Variants in CCDC7 observed in about 807,000 individuals in gnomAD.
The protein encoded by CCDC7 is coiled-coil domain containing 7.
CCDC7 carries 183 observed loss-of-function variants against 196.9 expected under a neutral mutation model. That is an observed-to-expected ratio of 0.93 (90% CI 0.82 to 1.05). The LOEUF is 1.05. Among genes scored for constraint, CCDC7 ranks in the 50% least tolerant of loss-of-function variants. The probability of loss-of-function intolerance (pLI) is 0.00; values close to 1 mark genes in which losing one functional copy is unlikely to be tolerated. For synonymous variants in CCDC7, 525 were observed against 484.6 expected (o/e 1.08, Z -1.10); for missense variants, 1,540 against 1,482.2 (o/e 1.04, Z -0.64).
At chr10:32,447,834 A>AGTGAGC (rs1270061467), upstream of CCDC7, among the ~76,000 whole-genome samples, 3 of 152,180 alleles carry the variant, frequency 2.0e-5, no homozygotes, top group African/African-American at 7.2e-5. Flanking sequence ...CCTGGGAGGC[A>AGTGAGC]AAGTTTGCAG....
intron 24 of CCDC7, among the ~76,000 whole-genome samples, chr10:32,706,177 G>C (rs1360054850): frequency 6.6e-6 from 1 of 152,080 alleles, no homozygotes; most frequent in Non-Finnish European, 1.5e-5. Flanking sequence ...TTTCAAAACT[G>C]CTCAACTATA....
At chr10:32,512,705 G>T (rs894662198) in intron 9 of CCDC7, 1 of 152,090 alleles carries the variant, frequency 6.6e-6, no homozygotes, top group African/African-American at 2.4e-5. Context: ...GAAAAGATTT[G>T]TGCTCATACA....
intron 20 of CCDC7, among the ~76,000 whole-genome samples, chr10:32,661,938 C>T (rs768911949): frequency 3.3e-5 from 5 of 152,084 alleles, no homozygotes; most frequent in Non-Finnish European, 7.4e-5. Flanking sequence ...AGCACTAGGA[C>T]TTGCCTAGGA....
chr10:32,711,864 A>T (rs918346681), intron 25 of CCDC7, 134 bp downstream of exon 26: 5 of 459,130 alleles, frequency 1.1e-5, no homozygotes, highest in African/African-American at 8.3e-5. Context: ...ACTCTAACAT[A>T]ACTCAAGAAA....
intron 39 of CCDC7, among the ~76,000 whole-genome samples, chr10:32,850,738 T>C (rs923996889): frequency 1.3e-5 from 2 of 151,452 alleles, no homozygotes; most frequent in African/African-American, 4.9e-5. Flanking sequence ...TTCTTTTGAT[T>C]CAGAGATTTT....
At chr10:32,583,640 C>T (rs1293580835) in intron 17 of CCDC7, among the ~76,000 whole-genome samples, 2 of 151,832 alleles carry the variant, frequency 1.3e-5, no homozygotes, top group Non-Finnish European at 2.9e-5. Context: ...AATTTTTATA[C>T]AATAAGATGA....
At chr10:32,848,547 G>A (rs1198280921) in intron 38 of CCDC7, 49 bp from the exon 40 acceptor site, 1 of 1,324,324 alleles carries the variant, frequency 7.6e-7, no homozygotes, top group Non-Finnish European at 1.1e-6. Context: ...ATTAGTGTGT[G>A]AATAGTCAAG....
At chr10:32,720,797 C>T (rs1237105102) in intron 25 of CCDC7, among the ~76,000 whole-genome samples, 1 of 152,046 alleles carries the variant, frequency 6.6e-6, no homozygotes, top group Admixed American at 6.6e-5. Context: ...CCCCAAAATG[C>T]TCAGTAGTAG....
rs2138653245 is a variant in CCDC7 at position 32,608,893 on chromosome 10, A to G, written c.1801+24589A>G. ...ATTGATCCAGTGGTTGTTCAGGAGC[A>G]TGTTGTTTAATTTCTATGTATTTGT... On this transcript the variant is annotated intron_variant, in intron 18 of 41. Coordinates refer to ENST00000639629, the Ensembl canonical transcript of CCDC7. 2.0e-5 allele frequency among the ~76,000 whole-genome samples: 3 copies of G among 152,314 alleles called. 1 individual carries two copies. The South Asian group carries it at 6.2e-4, about 32-fold the overall frequency.
chr10:32,483,134 A>G (rs990856843), intron 8 of CCDC7, among the ~76,000 whole-genome samples: 9 of 152,098 alleles, frequency 5.9e-5, no homozygotes, highest in Non-Finnish European at 8.8e-5. Flanking sequence ...AAGTGTTCCT[A>G]TTTCTCCACA....
rs35713080 is a variant in CCDC7 at position 32,808,823 on chromosome 10, GA to G, written c.3097+3735del. Among the ~76,000 whole-genome samples the G allele has an allele frequency of 1.0e-4, 15 of 149,298 alleles. No individual in the cohort carries two copies. In the East Asian group the frequency reaches 1.2e-3, roughly 12 times the overall value. Reference sequence around the variant, plus strand: ...GGACATCACTGACACTGTTATAGCTGAAAAAAAAAATTATACAGAGGCCGTA... The same window carrying G: ...GGACATCACTGACACTGTTATAGCTGAAAAAAAAATTATACAGAGGCCGTA... On this transcript the variant is annotated intron_variant, in intron 30 of 41. Transcript: ENST00000639629.
chr10:32,647,613 T>C (rs2068009690), intron 20 of CCDC7, among the ~76,000 whole-genome samples: 1 of 150,558 alleles, frequency 6.6e-6, no homozygotes, highest in Non-Finnish European at 1.5e-5. Flanking sequence ...TTTCATATGC[T>C]TGTTGGCAGC....
At chr10:32,683,495 G>A (rs2076092996) in intron 21 of CCDC7, among the ~76,000 whole-genome samples, 1 of 152,140 alleles carries the variant, frequency 6.6e-6, no homozygotes, top group Non-Finnish European at 1.5e-5. Flanking sequence ...TGCTCCATAT[G>A]AATTTTAGAA....
At chr10:32,782,536 A>G (rs2081226771) in intron 29 of CCDC7, among the ~76,000 whole-genome samples, 1 of 152,194 alleles carries the variant, frequency 6.6e-6, no homozygotes, top group Non-Finnish European at 1.5e-5. Context: ...CCAGAAGACA[A>G]TATTATTAAG....
intron 30 of CCDC7, among the ~76,000 whole-genome samples, chr10:32,808,549 A>G (rs2135258635): frequency 6.6e-6 from 1 of 150,550 alleles, no homozygotes; most frequent in East Asian, 2.0e-4. Flanking sequence ...CTGGAGGCTC[A>G]AGGACCCACC....
At chr10:32,508,348 T>C (rs1293945832) in intron 9 of CCDC7, among the ~76,000 whole-genome samples, 2 of 152,142 alleles carry the variant, frequency 1.3e-5, no homozygotes, top group Non-Finnish European at 2.9e-5. Flanking sequence ...AAGTAAAAGA[T>C]ATGCACACAG....
At chr10:32,524,504 C>T (rs535613154) in intron 11 of CCDC7, among the ~76,000 whole-genome samples, 30 of 152,230 alleles carry the variant, frequency 2.0e-4, no homozygotes, top group African/African-American at 5.1e-4. Context: ...TCTCATTGCT[C>T]GCTAACATCC....
rs1336670864 is a variant in CCDC7 at position 32,511,752 on chromosome 10, C to T, written c.873-6193C>T. On this transcript the variant is annotated intron_variant, in intron 9 of 41. Transcript: ENST00000639629. ...TCTTCACCTGCCGTTATGGCTGACT[C>T]ACGGCCTTCGACTCCAGCCTCCCGG... is the stretch of plus-strand genomic sequence containing the variant. 8 of 1,543,738 alleles carry T rather than the reference C, an allele frequency of 5.2e-6. No homozygotes were observed. The Admixed American group carries it at 1.4e-4, about 26-fold the overall frequency.
At chr10:32,653,952 G>T (rs549050539) in intron 20 of CCDC7, among the ~76,000 whole-genome samples, 1 of 152,118 alleles carries the variant, frequency 6.6e-6, no homozygotes. Context: ...TGCCCATTAT[G>T]TGTATGTTGG....
Sources: gnomAD v4.1 joint callset for allele counts (sites outside exome capture counted in the v4.1 genomes callset) on GRCh38, gnomAD v4.1.1 for gene constraint, MANE v1.5 for transcripts, NCBI Gene and HGNC (gene_info 2026-07-23, HGNC 2026-07-21) for gene names.